The following UNC13B variants were observed in gnomAD, a reference collection of about 807,000 sequenced individuals.
UNC13B encodes protein unc-13 homolog B.
Under a neutral mutation model 211.0 loss-of-function variants are expected in UNC13B, and 144 were observed. The ratio of observed to expected loss-of-function variants is 0.68; its 90% CI spans 0.60 to 0.78. The LOEUF is 0.78. Ranked by LOEUF, UNC13B falls within the 30% of genes least tolerant of loss-of-function variation. UNC13B has a pLI of 0.00. For missense variants in UNC13B, 1,777 were observed against 2,002.0 expected (o/e 0.89, Z 2.14); for synonymous variants, 709 against 725.8 (o/e 0.98, Z 0.37).
chr9:35,293,716 T>C (rs1829207546), intron 7 of UNC13B, among the ~76,000 whole-genome samples: 2 of 152,216 alleles, frequency 1.3e-5, no homozygotes, highest in African/African-American at 4.8e-5. Context: ...TTTCTTAATA[T>C]ATCATCAGAA....
At chr9:35,189,731 G>GT (rs1822549605) in intron 1 of UNC13B, among the ~76,000 whole-genome samples, 1 of 152,148 alleles carries the variant, frequency 6.6e-6, no homozygotes, top group Non-Finnish European at 1.5e-5. Flanking sequence ...GTGCAAAGGC[G>GT]TGATCCCGGC....
chr9:35,295,991 C>A, intron 8 of UNC13B, 61 bp downstream of exon 8: 3 of 1,468,560 alleles, frequency 2.0e-6, no homozygotes, highest in Non-Finnish European at 2.8e-6. Context: ...ATGCAATTGG[C>A]AAGAAGAATT....
At chr9:35,270,675 A>G (rs1354245659) in intron 7 of UNC13B, among the ~76,000 whole-genome samples, 1 of 152,188 alleles carries the variant, frequency 6.6e-6, no homozygotes, top group Non-Finnish European at 1.5e-5. Flanking sequence ...TAATGTCATC[A>G]GTATCTATCC....
chr9:35,375,194 A>G lies in UNC13B; in HGVS notation c.9608A>G (p.Glu3203Gly), dbSNP rs1834318116. ...GCTACACGCACTTCTCTTAAGGACGAAGAGCTGGTAAGTGTCCCAAGTGCT... is the reference window on the plus strand; with the variant it reads ...GCTACACGCACTTCTCTTAAGGACGGAGAGCTGGTAAGTGTCCCAAGTGCT... ...AMATRTSLKDEELKSHVYKKT... is the reference protein window; with the variant it reads ...AMATRTSLKDGELKSHVYKKT... Residue 3203 changes from glutamate (E) to glycine (G), a missense_variant, in exon 14 of 40, where the codon GAA (glutamate) becomes GGA (glycine). By Grantham distance (98) the Glu-to-Gly change is moderately conservative. Coordinates refer to ENST00000635942, the MANE Select transcript of UNC13B (RefSeq NM_001371189.2). 1 of 1,614,106 alleles carries G rather than the reference A, an allele frequency of 6.2e-7. No individual in the cohort carries two copies. Among genetic ancestry groups the G allele is most frequent in the Non-Finnish European group, 8.5e-7 (1 of 1,179,932 alleles).
intron 11 of UNC13B, chr9:35,351,924 G>A (rs969361111): frequency 2.4e-5 from 29 of 1,232,136 alleles, no homozygotes; most frequent in Admixed American, 8.4e-5. Context: ...GGCTGTAGCC[G>A]TGAACAGCGG....
At chr9:35,182,499 A>C (rs1821994100) in intron 1 of UNC13B, among the ~76,000 whole-genome samples, 1 of 150,660 alleles carries the variant, frequency 6.6e-6, no homozygotes, top group Non-Finnish European at 1.5e-5. Context: ...TTTATTGATC[A>C]TTCTTGGGTG....
At chr9:35,276,846 C>T (rs181807506) in intron 7 of UNC13B, among the ~76,000 whole-genome samples, 20 of 152,076 alleles carry the variant, frequency 1.3e-4, no homozygotes, top group Admixed American at 1.2e-3. Context: ...GTTTTCCCTC[C>T]CACAAAGGCC....
chr9:35,283,475 C>G (rs944052950), intron 7 of UNC13B, among the ~76,000 whole-genome samples: 6 of 152,104 alleles, frequency 3.9e-5, no homozygotes, highest in Non-Finnish European at 8.8e-5. Flanking sequence ...CTGGCCCACT[C>G]AACAACACCG....
At chr9:35,382,232 A>T in intron 20 of UNC13B, 125 bp from the exon 21 acceptor site, 1 of 1,305,338 alleles carries the variant, frequency 7.7e-7, no homozygotes. Context: ...AAGTAGCCCT[A>T]GGCAAGAGAG....
Position 35,305,558 on chromosome 9 carries a change from A to G in UNC13B, c.6154A>G (p.Ile2052Val), listed in dbSNP as rs1026165629. Residue 2052 changes from isoleucine (I) to valine (V), a missense_variant, in exon 9 of 40, where the codon ATC becomes GTC. Coordinates refer to ENST00000635942, the MANE Select transcript of UNC13B (RefSeq NM_001371189.2). ...TAGAAGACTGAACAAACAGACTACT[A>G]TCGATGACAGTAGGTTAGAGGAATC... ...RVRRLNKQTT[I>V]DDSRLEESTR... The G allele has an allele frequency of 1.8e-5, 7 of 398,878 alleles. No homozygotes were observed. Among genetic ancestry groups the G allele is most frequent in the Middle Eastern group, 6.2e-4 (1 of 1,610 alleles). The allele number at this position is 398,878 out of a possible 1,614,324, so 24.7% of individuals were successfully genotyped here.
In UNC13B at chr9:35,332,327, G is replaced by A. The variant is rs7466678; in HGVS notation, c.9414+18338G>A. Among the ~76,000 whole-genome samples, 967 of 152,220 alleles carry A rather than the reference G, an allele frequency of 6.4e-3. 7 individuals carry two copies. The highest frequency in any genetic ancestry group is 0.018 in the African/African-American group (730 of 41,544). On this transcript the variant is annotated intron_variant, in intron 11 of 39. Coordinates refer to ENST00000635942, the MANE Select transcript of UNC13B (RefSeq NM_001371189.2). ...CCTTAGGCTCTATTCTTCCTGTCTA[G>A]TTATCTACTAGTTATTTTCACTATA... is the stretch of plus-strand genomic sequence containing the variant.
At chr9:35,193,657 C>CA (rs748105027) in intron 1 of UNC13B, among the ~76,000 whole-genome samples, 1,171 of 55,376 alleles carry the variant, frequency 0.021, 11 homozygotes, top group Middle Eastern at 0.078. Flanking sequence ...GACTCCGTCT[C>CA]AAAAAAAAAA....
chr9:35,285,645 A>G (rs1220745208), intron 7 of UNC13B, among the ~76,000 whole-genome samples: 1 of 152,176 alleles, frequency 6.6e-6, no homozygotes, highest in Non-Finnish European at 1.5e-5. Flanking sequence ...TGAGGCAGCA[A>G]TGAGCCATGA....
chr9:35,284,761 C>A (rs1828698447), intron 7 of UNC13B, among the ~76,000 whole-genome samples: 1 of 152,096 alleles, frequency 6.6e-6, no homozygotes, highest in African/African-American at 2.4e-5. Flanking sequence ...AGTTTATGGT[C>A]CTTATGAGAT....
At chr9:35,243,402 G>T in intron 6 of UNC13B, 38 bp downstream of exon 6, 2 of 1,604,770 alleles carry the variant, frequency 1.2e-6, no homozygotes, top group Non-Finnish European at 1.7e-6. Flanking sequence ...AGAGATGGGG[G>T]AAAATCTCCA....
intron 1 of UNC13B, among the ~76,000 whole-genome samples, chr9:35,189,540 C>T (rs1822536968): frequency 6.6e-6 from 1 of 152,138 alleles, no homozygotes; most frequent in African/African-American, 2.4e-5. Flanking sequence ...GTCATGTGAA[C>T]TAAAAAATAT....
intron 11 of UNC13B, among the ~76,000 whole-genome samples, chr9:35,359,247 T>C (rs916346687): frequency 6.6e-6 from 1 of 152,202 alleles, no homozygotes; most frequent in African/African-American, 2.4e-5. Context: ...CTTTCTTCAT[T>C]TGGCTTCCAG....
At chr9:35,201,802 AT>A (rs986422932) in intron 1 of UNC13B, among the ~76,000 whole-genome samples, 50 of 150,712 alleles carry the variant, frequency 3.3e-4, no homozygotes, top group African/African-American at 1.1e-3. Context: ...GGATTCATTG[AT>A]TTTTTTTTGA....
chr9:35,289,774 C>T (rs1463064388), intron 7 of UNC13B, among the ~76,000 whole-genome samples: 2 of 152,076 alleles, frequency 1.3e-5, no homozygotes, highest in Middle Eastern at 3.4e-3. Flanking sequence ...GTTAGGAGTT[C>T]GAGGCCAGCC....
Sources: allele counts gnomAD v4.1 joint callset (sites outside exome capture counted in the v4.1 genomes callset), GRCh38; gene constraint gnomAD v4.1.1; transcripts MANE v1.5; gene names NCBI Gene and HGNC (gene_info 2026-07-23, HGNC 2026-07-21).